The following MEIS2 variants were observed in gnomAD, a reference collection of about 807,000 sequenced individuals.
MEIS2 encodes the protein Meis homeobox 2, also known as homeobox protein Meis2.
MEIS2 carries 9 observed loss-of-function variants against 58.6 expected under a neutral mutation model. That is an observed-to-expected ratio of 0.15 (90% CI 0.09 to 0.27). The LOEUF (loss-of-function observed/expected upper bound fraction) is 0.27. MEIS2 is among the 10% of genes least tolerant of loss of function. The pLI is 1.00. For missense variants in MEIS2, 427 were observed against 635.0 expected (o/e 0.67, Z 3.52); for synonymous variants, 221 against 228.4 (o/e 0.97, Z 0.29).
chr15:36,915,207 A>G (rs1317801683), intron 9 of MEIS2, among the ~76,000 whole-genome samples: 1 of 152,062 alleles, frequency 6.6e-6, no homozygotes, highest in Non-Finnish European at 1.5e-5. Flanking sequence ...GGAAAAAAAA[A>G]AAAAAAAGTT....
intron 7 of MEIS2, among the ~76,000 whole-genome samples, chr15:37,079,598 A>C (rs1401358738): frequency 6.6e-6 from 1 of 152,176 alleles, no homozygotes; most frequent in Non-Finnish European, 1.5e-5. Flanking sequence ...AAAGTGCAAT[A>C]CTATCTTAGA....
chr15:37,067,143 G>A (rs1163914578), intron 7 of MEIS2, among the ~76,000 whole-genome samples: 1 of 148,738 alleles, frequency 6.7e-6, no homozygotes, highest in Non-Finnish European at 1.5e-5. Flanking sequence ...AGGCTGGAGT[G>A]CAGTGGCATG....
intron 8 of MEIS2, among the ~76,000 whole-genome samples, chr15:37,033,984 G>A (rs2062039849): frequency 6.6e-6 from 1 of 152,134 alleles, no homozygotes; most frequent in Non-Finnish European, 1.5e-5. Flanking sequence ...AGCTACAAGG[G>A]AGGTGCAGAA....
chr15:37,051,552 A>T (rs2062919369), intron 7 of MEIS2, among the ~76,000 whole-genome samples: 1 of 152,230 alleles, frequency 6.6e-6, no homozygotes. Flanking sequence ...TGGTCTCGTG[A>T]GTGTATACAA....
At chr15:36,966,597 A>G (rs180868291) in intron 8 of MEIS2, among the ~76,000 whole-genome samples, 8 of 152,268 alleles carry the variant, frequency 5.3e-5, no homozygotes, top group Admixed American at 3.3e-4. Flanking sequence ...TAGAGTTCTT[A>G]TGAGGTTTAA....
At chr15:37,089,264 T>A (rs916253897) in intron 6 of MEIS2, among the ~76,000 whole-genome samples, 3 of 152,150 alleles carry the variant, frequency 2.0e-5, no homozygotes, top group African/African-American at 7.2e-5. Context: ...TTCATATTAT[T>A]ATCCAATTTC....
At chr15:36,898,607 C>T (rs771483654) in intron 9 of MEIS2, 4 of 151,612 alleles carry the variant, frequency 2.6e-5, no homozygotes, top group Admixed American at 6.6e-5. Context: ...GAGGTTGTTC[C>T]CTTATTTATG....
At chr15:37,009,098 G>A (rs954944179) in intron 8 of MEIS2, among the ~76,000 whole-genome samples, 4 of 152,174 alleles carry the variant, frequency 2.6e-5, no homozygotes, top group East Asian at 1.9e-4. Context: ...GACCATCCTG[G>A]CTAACACGGT....
chr15:36,920,617 T>A (rs2057468318), intron 9 of MEIS2, among the ~76,000 whole-genome samples: 1 of 152,210 alleles, frequency 6.6e-6, no homozygotes, highest in African/African-American at 2.4e-5. Flanking sequence ...GGATCACAAA[T>A]GTGGGAAAAT....
In MEIS2 at chr15:36,962,721, T is replaced by C. The variant is rs546101872; in HGVS notation, c.901-12321A>G. Among the ~76,000 whole-genome samples, 5 of 152,376 alleles carry C rather than the reference T, an allele frequency of 3.3e-5. No homozygotes were observed. The South Asian group carries it at 1.0e-3, about 32-fold the overall frequency. On this transcript the variant is annotated intron_variant, in intron 8 of 11. Transcript: ENST00000561208. ...GACTGAATCATATACATGATTAAAA[T>C]ATTTAATTTAAATACCTTTATTTCA... is the stretch of plus-strand genomic sequence containing the variant.
chr15:37,010,785 T>C (rs1377208315), intron 8 of MEIS2, among the ~76,000 whole-genome samples: 2 of 152,238 alleles, frequency 1.3e-5, no homozygotes, highest in African/African-American at 4.8e-5. Context: ...GGTGGATTTA[T>C]TGCTGATCTA....
rs201317774 is a variant in MEIS2 at position 37,097,952 on chromosome 15, G to T, written c.245+15C>A. ...CACTCACACACAGTAAGCTGGGTCC[G>T]GGGGGTCAGTTTACCCATAGATCGC... On this transcript the variant is annotated intron_variant, in intron 2 of 11. Transcript: ENST00000561208. The T allele has an allele frequency of 6.6e-5, 104 of 1,570,690 alleles. No individual in the cohort carries two copies. In the East Asian group the frequency reaches 9.5e-4, roughly 14 times the overall value.
Position 36,995,980 on chromosome 15 carries a change from T to C in MEIS2, c.900+40834A>G, listed in dbSNP as rs1311598259. On this transcript the variant is annotated intron_variant, in intron 8 of 11. Transcript: ENST00000561208. ...AGATATATATATATATATATATATA[T>C]ATATATATATATATATATATATGTA... Among the ~76,000 whole-genome samples the C allele has an allele frequency of 7.1e-4, 44 of 62,266 alleles. 1 individual carries two copies. Among genetic ancestry groups the C allele is most frequent in the East Asian group, 2.0e-3 (6 of 3,044 alleles). 40.8% of individuals were successfully genotyped at this position (62,266 alleles called of 152,430 possible).
intron 9 of MEIS2, among the ~76,000 whole-genome samples, chr15:36,925,515 A>G (rs2057713463): frequency 6.6e-6 from 1 of 152,244 alleles, no homozygotes; most frequent in South Asian, 2.1e-4. Flanking sequence ...AATTTCATAA[A>G]TACCAACCAA....
intron 7 of MEIS2, among the ~76,000 whole-genome samples, chr15:37,052,274 A>G (rs1425530595): frequency 6.6e-6 from 1 of 152,222 alleles, no homozygotes; most frequent in African/African-American, 2.4e-5. Context: ...TGGAAGTAAC[A>G]TTTGTGGACT....
At chr15:37,001,214 C>A in intron 8 of MEIS2, among the ~76,000 whole-genome samples, 1 of 152,142 alleles carries the variant, frequency 6.6e-6, no homozygotes, top group East Asian at 1.9e-4. Flanking sequence ...TCTCTAGTAT[C>A]TTCTTGGGCC....
chr15:36,982,682 T>C (rs1398289586), intron 8 of MEIS2, among the ~76,000 whole-genome samples: 2 of 152,206 alleles, frequency 1.3e-5, no homozygotes, highest in Non-Finnish European at 2.9e-5. Context: ...ATGAGATTGC[T>C]GTATCACATG....
chr15:36,963,720 G>GGATA (rs1221693037), intron 8 of MEIS2, among the ~76,000 whole-genome samples: 1 of 152,154 alleles, frequency 6.6e-6, no homozygotes, highest in Non-Finnish European at 1.5e-5. Context: ...GAACATTGAT[G>GGATA]GATAGCTGCC....
intron 11 of MEIS2, among the ~76,000 whole-genome samples, chr15:36,892,777 G>A (rs1275951151): frequency 1.3e-5 from 2 of 152,066 alleles, no homozygotes; most frequent in East Asian, 1.9e-4. Context: ...ATTTTGAGTC[G>A]AGTTTTATCA....
Sources: gnomAD v4.1 joint callset for allele counts (sites outside exome capture counted in the v4.1 genomes callset) on GRCh38, gnomAD v4.1.1 for gene constraint, MANE v1.5 for transcripts, NCBI Gene and HGNC (gene_info 2026-07-23, HGNC 2026-07-21) for gene names.